Variants in ADGRL3 observed in about 807,000 individuals in gnomAD.
ADGRL3 encodes the protein adhesion G protein-coupled receptor L3, also known as calcium-independent alpha-latrotoxin receptor 3.
ADGRL3 carries 62 observed loss-of-function variants against 153.5 expected under a neutral mutation model. The ratio of observed to expected loss-of-function variants is 0.40; its 90% CI spans 0.33 to 0.50. ADGRL3 has a LOEUF of 0.50. ADGRL3 is among the 20% of genes least tolerant of loss of function. ADGRL3 has a pLI of 0.47. For synonymous variants in ADGRL3, 710 were observed against 672.5 expected (o/e 1.06, Z -0.86); for missense variants, 1,641 against 1,859.4 (o/e 0.88, Z 2.16).
intron 2 of ADGRL3, among the ~76,000 whole-genome samples, chr4:61,397,287 A>G (rs1282456433): frequency 1.3e-5 from 2 of 151,894 alleles, no homozygotes; most frequent in East Asian, 1.9e-4. Context: ...GAATTTCACA[A>G]TCATTCTAGG....
chr4:61,750,553 A>C (rs1265907153), intron 8 of ADGRL3, among the ~76,000 whole-genome samples: 2 of 152,148 alleles, frequency 1.3e-5, no homozygotes, highest in Non-Finnish European at 2.9e-5. Flanking sequence ...GCACTTTGGG[A>C]GGCCGAGGCG....
intron 2 of ADGRL3, among the ~76,000 whole-genome samples, chr4:61,445,904 T>C (rs1363341715): frequency 6.6e-6 from 1 of 152,220 alleles, no homozygotes; most frequent in Non-Finnish European, 1.5e-5. Flanking sequence ...AACCATTAAC[T>C]TCTCTATGTT....
At chr4:61,509,368 T>A (rs1326340775) in intron 3 of ADGRL3, among the ~76,000 whole-genome samples, 3 of 152,070 alleles carry the variant, frequency 2.0e-5, no homozygotes, top group Non-Finnish European at 2.9e-5. Context: ...CCTCGGGTGA[T>A]CCACCCGCCT....
At chr4:61,687,316 G>A (rs545366515) in intron 6 of ADGRL3, among the ~76,000 whole-genome samples, 35 of 151,920 alleles carry the variant, frequency 2.3e-4, no homozygotes, top group Admixed American at 1.2e-3. Context: ...GGTTATTCTG[G>A]ATTATCTGAG....
intron 5 of ADGRL3, among the ~76,000 whole-genome samples, chr4:61,645,565 G>T (rs1237330199): frequency 1.3e-5 from 2 of 152,070 alleles, no homozygotes. Context: ...GGCTGGATAT[G>T]AAATTCTGGG....
intron 9 of ADGRL3, among the ~76,000 whole-genome samples, chr4:61,854,500 T>C: frequency 6.6e-6 from 1 of 152,216 alleles, no homozygotes; most frequent in East Asian, 1.9e-4. Context: ...TAATGTAATA[T>C]TGGATTATCT....
intron 17 of ADGRL3, among the ~76,000 whole-genome samples, chr4:61,978,864 A>T (rs2099057406): frequency 6.9e-6 from 1 of 144,384 alleles, no homozygotes; most frequent in South Asian, 2.3e-4. Context: ...TCAATGTATA[A>T]CAGGCTCTAT....
chr4:61,674,588 T>C (rs914394092), intron 5 of ADGRL3, among the ~76,000 whole-genome samples: 1 of 151,866 alleles, frequency 6.6e-6, no homozygotes. Flanking sequence ...ATTTACATTA[T>C]ATTAAATTTT....
intron 3 of ADGRL3, among the ~76,000 whole-genome samples, chr4:61,504,387 G>T (rs965145605): frequency 1.3e-5 from 2 of 152,166 alleles, no homozygotes; most frequent in African/African-American, 4.8e-5. Context: ...ATATTTAATA[G>T]TGCACATTTA....
chr4:61,840,490 T>C (rs2098013317), intron 9 of ADGRL3, among the ~76,000 whole-genome samples: 1 of 152,250 alleles, frequency 6.6e-6, no homozygotes, highest in African/African-American at 2.4e-5. Context: ...ATTTTGAATG[T>C]ACACTTTTTT....
chr4:61,558,950 A>G (rs1261944549), intron 4 of ADGRL3, among the ~76,000 whole-genome samples: 1 of 152,044 alleles, frequency 6.6e-6, no homozygotes, highest in Non-Finnish European at 1.5e-5. Context: ...CTCATTGGTA[A>G]ATAGGGGATC....
intron 19 of ADGRL3, among the ~76,000 whole-genome samples, chr4:61,994,088 A>T (rs2099113356): frequency 6.6e-6 from 1 of 152,170 alleles, no homozygotes; most frequent in Non-Finnish European, 1.5e-5. Flanking sequence ...TTGTACTTCT[A>T]CTGAAATTAG....
At chr4:61,333,172 G>GA (rs77143827) in intron 1 of ADGRL3, among the ~76,000 whole-genome samples, 7 of 151,748 alleles carry the variant, frequency 4.6e-5, no homozygotes, top group Non-Finnish European at 1.0e-4. Context: ...TAAAGTAAAT[G>GA]AAAAAAATAT....
chr4:61,859,936 A>G (rs2098323474), intron 9 of ADGRL3, among the ~76,000 whole-genome samples: 2 of 152,218 alleles, frequency 1.3e-5, no homozygotes, highest in African/African-American at 4.8e-5. Context: ...TTAGAGAAAT[A>G]TGGTCTTAAC....
At chr4:61,706,379 G>A (rs943946402) in intron 6 of ADGRL3, among the ~76,000 whole-genome samples, 3 of 149,614 alleles carry the variant, frequency 2.0e-5, no homozygotes, top group Admixed American at 1.3e-4. Context: ...CCGAGATTGC[G>A]CCACTGCACT....
intron 4 of ADGRL3, among the ~76,000 whole-genome samples, chr4:61,564,802 G>T (rs1278714020): frequency 1.3e-5 from 2 of 152,082 alleles, no homozygotes; most frequent in Non-Finnish European, 2.9e-5. Flanking sequence ...ATTATTAATT[G>T]GCCTAATTTC....
chr4:61,946,692 G>A (rs1397530684), intron 15 of ADGRL3, among the ~76,000 whole-genome samples: 1 of 152,128 alleles, frequency 6.6e-6, no homozygotes, highest in East Asian at 1.9e-4. Context: ...TTTTGAGTAT[G>A]GAGTGAGATA....
chr4:61,992,593 G>C (rs531964120), intron 19 of ADGRL3, among the ~76,000 whole-genome samples: 1 of 152,282 alleles, frequency 6.6e-6, no homozygotes, highest in South Asian at 2.1e-4. Context: ...TTCCAGAAGA[G>C]AGTAAAGCCC....
chr4:62,053,872 C>T (rs1050700326), intron 25 of ADGRL3, among the ~76,000 whole-genome samples: 6 of 151,484 alleles, frequency 4.0e-5, no homozygotes, highest in Non-Finnish European at 8.9e-5. Flanking sequence ...CAATACTGGG[C>T]AGTGAGTTAT....
Sources: allele counts gnomAD v4.1 joint callset (sites outside exome capture counted in the v4.1 genomes callset), GRCh38; gene constraint gnomAD v4.1.1; transcripts MANE v1.5; gene names NCBI Gene and HGNC (gene_info 2026-07-23, HGNC 2026-07-21).